SCAP: variants seen among roughly 807,000 people sequenced by gnomAD.
SCAP encodes sterol regulatory element-binding protein cleavage-activating protein.
SCAP carries 65 observed loss-of-function variants against 123.6 expected under a neutral mutation model. The observed-to-expected ratio is 0.53, with a 90% confidence interval of 0.43 to 0.65. SCAP has a LOEUF of 0.65. SCAP is among the 30% of genes least tolerant of loss of function. The pLI is 0.00. For synonymous variants in SCAP, 740 were observed against 726.3 expected, an observed-to-expected ratio of 1.02 and a Z score of -0.30; for missense variants, 1,398 against 1,712.5, an observed-to-expected ratio of 0.82 and a Z score of 3.24.
intron 18 of SCAP, among the ~76,000 whole-genome samples, chr3:47,416,269 G>C (rs1216209005): frequency 6.6e-6 from 1 of 152,204 alleles, no homozygotes; most frequent in Non-Finnish European, 1.5e-5. Context: ...GGTGGGGCCA[G>C]AACCCAGGTG....
rs1405016896 is a variant in SCAP, at chr3:47,424,033, G to A, written c.1050C>T (p.Pro350=). 1 of 1,613,688 alleles carries A rather than the reference G, an allele frequency of 6.2e-7. No individual in the cohort carries two copies. Among genetic ancestry groups the A allele is most frequent in the Non-Finnish European group, 8.5e-7 (1 of 1,179,700 alleles). ...CTAACCCAATAACCACCACAAGGTAGGGGAAAATCTCGCTGGGGACAGAGA... is the reference window on the plus strand; with the variant it reads ...CTAACCCAATAACCACCACAAGGTAAGGGAAAATCTCGCTGGGGACAGAGA... ...TPTLNGGEIF[P]YLVVVIGLEN... is the part of the protein sequence containing the mutation. The change falls in exon 9 of 23, where the codon CCC becomes CCT. Residue 350 remains proline (P), a synonymous_variant. Transcript: ENST00000265565.
rs1705482458 is a variant in SCAP at position 47,414,657 on chromosome 3, GA to G, written c.3307-6del. The stretch of plus-strand genomic sequence containing the variant: ...CGAGTCCTCCAGACGGAACACCTGG[GA>G]CAGGGATGGGCCTCAGGTTCTGGTC... On this transcript the variant is annotated splice_polypyrimidine_tract_variant and splice_region_variant and intron_variant, in intron 20 of 22. Transcript: ENST00000265565. 1.9e-6 allele frequency: 3 copies of G among 1,613,138 alleles called. No individual in the cohort carries two copies. Among genetic ancestry groups the G allele is most frequent in the Non-Finnish European group, 1.7e-6 (2 of 1,180,016 alleles).
upstream of SCAP, chr3:47,476,835 C>T (rs59586735): frequency 0.38 from 58,086 of 153,732 alleles, 11,342 homozygotes; most frequent in East Asian, 0.53. Flanking sequence ...GGACTTTGAT[C>T]ATGCTACTGC....
chr3:47,466,124 T>C (rs1267418942), intron 1 of SCAP, among the ~76,000 whole-genome samples: 1 of 140,964 alleles, frequency 7.1e-6, no homozygotes, highest in South Asian at 2.2e-4. Context: ...AGAGTGAGAC[T>C]GTCTTAAAAA....
chr3:47,417,644 A>T lies in SCAP; in HGVS notation c.2630T>A (p.Ile877Asn), dbSNP rs145272691. Residue 877 changes from isoleucine (I) to asparagine (N), a missense_variant, in exon 17 of 23, where the codon ATT becomes AAT. Physicochemically the swap from Ile to Asn is moderately radical, Grantham distance 149. Around this residue, in one of 7 missense-constraint regions of SCAP, gnomAD observed 828 missense variants for 882.5 expected, o/e 0.94. Transcript: ENST00000265565. ...FGDQPDLTCL[I>N]DTNFSAQPRS... ...AGGCTGCGCTGAAAAGTTGGTGTCA[A>T]TTAAGCAGGTGAGGTCAGGCTGGTC... The T allele has an allele frequency of 3.1e-6, 5 of 1,609,214 alleles. No homozygotes were observed. In the African/African-American group the frequency reaches 4.0e-5, roughly 13 times the overall value.
intron 5 of SCAP, 62 bp from the exon 6 acceptor site, chr3:47,427,324 A>AC: frequency 6.5e-7 from 1 of 1,540,220 alleles, no homozygotes; most frequent in East Asian, 2.3e-5. Flanking sequence ...GCCACCAAGG[A>AC]CCCCTTTCTC....
At chr3:47,470,642 C>T (rs1707992407) in intron 1 of SCAP, among the ~76,000 whole-genome samples, 1 of 152,224 alleles carries the variant, frequency 6.6e-6, no homozygotes, top group East Asian at 1.9e-4. Flanking sequence ...GCAGGCAGAT[C>T]ACCGGAGGTC....
chr3:47,443,857 G>A (rs758263646), intron 1 of SCAP, among the ~76,000 whole-genome samples: 18 of 152,052 alleles, frequency 1.2e-4, no homozygotes, highest in South Asian at 2.1e-4. Flanking sequence ...GCCCCGTGCC[G>A]ACCCAAGCTA....
intron 2 of SCAP, among the ~76,000 whole-genome samples, chr3:47,437,618 C>T (rs1487641693): frequency 6.6e-6 from 1 of 151,318 alleles, no homozygotes; most frequent in Non-Finnish European, 1.5e-5. Flanking sequence ...TGCTGGTGCA[C>T]ACCTGTAGTC....
At position 47,442,874 on chromosome 3, in the gene SCAP, GCA is replaced by G; in HGVS notation, c.118_119del (p.Cys40LeufsTer32). On this transcript the variant is annotated frameshift_variant, in exon 2 of 23. Transcript: ENST00000265565. LOFTEE classifies it high-confidence loss of function. ...ILFTGFCILACCYPLLKLPLP... is the reference protein window; with the variant it reads ...ILFTGFCILAXCYPLLKLPLP... ...TCCAAGGCAACCCAAAAACATACCA[GCA>G]GGCTAAGATGCAGAACCCTGTGAAG... The G allele has an allele frequency of 6.2e-7, 1 of 1,614,048 alleles. No homozygotes were observed. Among genetic ancestry groups the G allele is most frequent in the Non-Finnish European group, 8.5e-7 (1 of 1,179,918 alleles).
intron 17 of SCAP, 26 bp downstream of exon 17, chr3:47,417,278 T>C (rs1259103363): frequency 6.2e-7 from 1 of 1,611,996 alleles, no homozygotes; most frequent in Non-Finnish European, 8.5e-7. Flanking sequence ...ACAGCCGCTC[T>C]GCCCACCTTT....
chr3:47,459,562 C>T (rs781547219), intron 1 of SCAP, among the ~76,000 whole-genome samples: 1 of 151,972 alleles, frequency 6.6e-6, no homozygotes, highest in Non-Finnish European at 1.5e-5. Context: ...TGAGTAGGAC[C>T]GTGATACCCA....
chr3:47,472,611 A>G (rs1708074707), intron 1 of SCAP, among the ~76,000 whole-genome samples: 1 of 152,156 alleles, frequency 6.6e-6, no homozygotes, highest in African/African-American at 2.4e-5. Flanking sequence ...CATCCCTGCA[A>G]CCATTCTAGG....
chr3:47,476,393 C>G (rs1708273475), upstream of SCAP, among the ~76,000 whole-genome samples: 1 of 152,014 alleles, frequency 6.6e-6, no homozygotes, highest in Admixed American at 6.6e-5. Flanking sequence ...CCCGGGAGGT[C>G]GAGGCCACAG....
At position 47,413,751 on chromosome 3, in the gene SCAP, G is replaced by C; in HGVS notation, c.*103C>G. On this transcript the variant is annotated 3_prime_UTR_variant, in exon 23 of 23. Coordinates refer to ENST00000265565, the MANE Select transcript of SCAP (RefSeq NM_012235.4). Reference sequence around the variant, plus strand: ...AGTTTAATATTATTACAGTCAGGAGGCAGCGGCTGGAAGATACTCGGCTCT... The same window carrying C: ...AGTTTAATATTATTACAGTCAGGAGCCAGCGGCTGGAAGATACTCGGCTCT... The C allele has an allele frequency of 7.0e-7, 1 of 1,425,108 alleles. No individual in the cohort carries two copies. The highest frequency in any genetic ancestry group is 1.4e-5 in the African/African-American group (1 of 70,056). 88.3% of individuals were successfully genotyped at this position (1,425,108 alleles called of 1,614,324 possible).
At chr3:47,440,680 G>A (rs546070199) in intron 2 of SCAP, among the ~76,000 whole-genome samples, 2 of 152,004 alleles carry the variant, frequency 1.3e-5, no homozygotes, top group African/African-American at 2.4e-5. Context: ...ACCAGCCTGG[G>A]CAACATGGCG....
At chr3:47,443,302 T>TCC (rs1706891192) in intron 1 of SCAP, 10 of 208,118 alleles carry the variant, frequency 4.8e-5, no homozygotes, top group South Asian at 3.2e-4. Flanking sequence ...TCTCTCTCTC[T>TCC]CTCTCTCTCC....
chr3:47,466,133 A>T (rs931535213), intron 1 of SCAP, among the ~76,000 whole-genome samples: 5 of 147,064 alleles, frequency 3.4e-5, no homozygotes, highest in Non-Finnish European at 6.0e-5. Flanking sequence ...CTGTCTTAAA[A>T]ACCAAAAAAA....
chr3:47,469,688 G>A, intron 1 of SCAP: 1 of 289,646 alleles, frequency 3.5e-6, no homozygotes, highest in South Asian at 3.3e-5. Context: ...ATAATGAGAA[G>A]AGGCTTGCCT....
Sources: allele counts gnomAD v4.1 joint callset (sites outside exome capture counted in the v4.1 genomes callset), GRCh38; gene constraint gnomAD v4.1.1; regional missense constraint gnomAD v4.1.1; transcripts MANE v1.5; gene names NCBI Gene and HGNC (gene_info 2026-07-23, HGNC 2026-07-21).